Variants in SNTB2 observed in about 807,000 individuals in gnomAD.
The protein encoded by SNTB2 is syntrophin beta 2, also known as beta-2-syntrophin.
SNTB2 carries 34 observed loss-of-function variants against 46.2 expected under a neutral mutation model. The observed-to-expected ratio is 0.74, with a 90% CI of 0.56 to 0.98. The LOEUF is 0.98. Among genes scored for constraint, SNTB2 ranks in the 50% least tolerant of loss-of-function variants. The pLI is 0.00. For synonymous variants in SNTB2, 290 were observed against 312.6 expected (o/e 0.93, Z 0.76); for missense variants, 603 against 731.4 (o/e 0.82, Z 2.02).
At chr16:69,199,595 CAA>C (rs60011703) in intron 1 of SNTB2, among the ~76,000 whole-genome samples, 45 of 76,748 alleles carry the variant, frequency 5.9e-4, no homozygotes, top group Non-Finnish European at 5.0e-4. Context: ...AACACTGCCT[CAA>C]AAAAAAAAAA....
At chr16:69,264,693 A>G (rs1212411452) in intron 3 of SNTB2, among the ~76,000 whole-genome samples, 1 of 152,190 alleles carries the variant, frequency 6.6e-6, no homozygotes, top group Non-Finnish European at 1.5e-5. Context: ...GAACCTCCAA[A>G]GAAGAAAGAA....
intron 1 of SNTB2, among the ~76,000 whole-genome samples, chr16:69,220,812 A>G (rs74738583): frequency 0.026 from 3,992 of 152,274 alleles, 58 homozygotes; most frequent in African/African-American, 0.036. Flanking sequence ...GATTACAGGA[A>G]TAAACCACTG....
intron 2 of SNTB2, among the ~76,000 whole-genome samples, chr16:69,258,550 AAC>A (rs1307223504): frequency 6.6e-6 from 1 of 151,768 alleles, no homozygotes; most frequent in Non-Finnish European, 1.5e-5. Context: ...AAAGTACCCA[AAC>A]ACAGTTTCAA....
chr16:69,224,522 T>C (rs1964440291), intron 1 of SNTB2, among the ~76,000 whole-genome samples: 1 of 152,208 alleles, frequency 6.6e-6, no homozygotes, highest in South Asian at 2.1e-4. Context: ...AATTAATAAG[T>C]ATCTTGGAAA....
intron 1 of SNTB2, chr16:69,241,844 G>GT (rs1427179310): frequency 1.3e-5 from 2 of 149,544 alleles, no homozygotes; most frequent in Non-Finnish European, 3.0e-5. Flanking sequence ...TGGGAGGATG[G>GT]TTTGAGCCCA....
At position 69,187,511 on chromosome 16, in the gene SNTB2, G is replaced by A; in HGVS notation, c.345G>A (p.Arg115=). 7.6e-7 allele frequency: 1 copy of A among 1,319,188 alleles called. No homozygotes were observed. Among genetic ancestry groups the A allele is most frequent in the Non-Finnish European group, 9.8e-7 (1 of 1,023,722 alleles). The allele number at this position is 1,319,188 out of a possible 1,614,324, so 81.7% of individuals were successfully genotyped here. A position where few individuals can be genotyped will look rare whatever the true frequency, so the allele number is the denominator to read the frequency against. The change falls in exon 1 of 7, where the codon CGG becomes CGA. Residue 115 remains arginine (R), a synonymous_variant. Coordinates refer to ENST00000336278, the MANE Select transcript of SNTB2 (RefSeq NM_006750.4). ...GEAGASPPVR[R]VRVVKQEAGG... ...CGGGCGCGTCGCCGCCCGTGCGCCG[G>A]GTGCGGGTGGTGAAGCAAGAGGCGG...
At chr16:69,191,801 C>T (rs1420680419) in intron 1 of SNTB2, among the ~76,000 whole-genome samples, 10 of 151,720 alleles carry the variant, frequency 6.6e-5, no homozygotes, top group East Asian at 2.0e-4. Context: ...CCACCATGCC[C>T]GGCCAATTTT....
intron 1 of SNTB2, among the ~76,000 whole-genome samples, chr16:69,202,917 G>T (rs1964178256): frequency 6.6e-6 from 1 of 152,008 alleles, no homozygotes; most frequent in Non-Finnish European, 1.5e-5. Flanking sequence ...ACAGGGTTTT[G>T]CCATGTTTCC....
chr16:69,283,360 A>G (rs2143157494), intron 4 of SNTB2, among the ~76,000 whole-genome samples: 1 of 152,316 alleles, frequency 6.6e-6, no homozygotes, highest in East Asian at 1.9e-4. Flanking sequence ...TTTTTTTCAC[A>G]TAACATTTCT....
chr16:69,235,230 C>G (rs1168798372), intron 1 of SNTB2, among the ~76,000 whole-genome samples: 1 of 151,870 alleles, frequency 6.6e-6, no homozygotes, highest in African/African-American at 2.4e-5. Flanking sequence ...GCCACCGTTC[C>G]CGGACTTCAA....
intron 1 of SNTB2, among the ~76,000 whole-genome samples, chr16:69,203,973 A>G (rs1268368322): frequency 6.6e-6 from 1 of 151,614 alleles, no homozygotes; most frequent in Non-Finnish European, 1.5e-5. Flanking sequence ...GCTTACTGCA[A>G]CCTCCACCTC....
At chr16:69,229,285 T>G (rs929689997) in intron 1 of SNTB2, among the ~76,000 whole-genome samples, 3 of 152,066 alleles carry the variant, frequency 2.0e-5, no homozygotes, top group Non-Finnish European at 2.9e-5. Flanking sequence ...TCCTCCCACT[T>G]CAGCCTCCTG....
intron 5 of SNTB2, among the ~76,000 whole-genome samples, chr16:69,287,850 C>T (rs1965119515): frequency 6.6e-6 from 1 of 151,438 alleles, no homozygotes; most frequent in African/African-American, 2.4e-5. Flanking sequence ...CAGTGGGAAA[C>T]TCTGTCTCAA....
rs945495395 is a variant in SNTB2 at position 69,306,733 on chromosome 16, T to G, written c.*5809T>G. 4 of 152,186 alleles carry G rather than the reference T, an allele frequency of 2.6e-5. No homozygotes were observed. The highest frequency in any genetic ancestry group is 9.7e-5 in the African/African-American group (4 of 41,428). The allele number at this position is 152,186 out of a possible 1,614,324, so 9.4% of individuals were successfully genotyped here. On this transcript the variant is annotated 3_prime_UTR_variant, in exon 7 of 7. Coordinates refer to ENST00000336278, the MANE Select transcript of SNTB2 (RefSeq NM_006750.4). ...GGTGGATCACCTGAGGTAAGGAGTT[T>G]GAGACCAGCCTGGCCAACATGGTGA...
chr16:69,304,207 C>A lies in SNTB2; in HGVS notation c.*3283C>A, dbSNP rs1965298812. On this transcript the variant is annotated 3_prime_UTR_variant, in exon 7 of 7. Coordinates refer to ENST00000336278, the MANE Select transcript of SNTB2 (RefSeq NM_006750.4). ...CTGAAGTCATCAAATGAAACATTAT[C>A]TGGAAATTAGTTTCTAATGTTGTAT... 6.6e-6 allele frequency: 1 copy of A among 152,232 alleles called. No individual in the cohort carries two copies. The highest frequency in any genetic ancestry group is 2.1e-4 in the South Asian group (1 of 4,824). The allele number at this position is 152,232 out of a possible 1,614,324, so 9.4% of individuals were successfully genotyped here. A position where few individuals can be genotyped will look rare whatever the true frequency, so the allele number is the denominator to read the frequency against.
At position 69,285,323 on chromosome 16, in the gene SNTB2, A is replaced by G. The variant is rs889834191; in HGVS notation, c.1345+1079A>G. On this transcript the variant is annotated intron_variant, in intron 5 of 6. Coordinates refer to ENST00000336278, the MANE Select transcript of SNTB2 (RefSeq NM_006750.4). ...ACTCGAAGTACATTTATAATACCGT[A>G]TGTACAACATGACATTTTTATAGTT... 4.8e-4 allele frequency among the ~76,000 whole-genome samples: 72 copies of G among 148,836 alleles called. No individual in the cohort carries two copies. In the Admixed American group the frequency reaches 4.8e-3, roughly 10 times the overall value.
At position 69,262,154 on chromosome 16, in the gene SNTB2, A is replaced by G. The variant is rs538449588; in HGVS notation, c.1005+1894A>G. 3.3e-5 allele frequency among the ~76,000 whole-genome samples: 5 copies of G among 152,326 alleles called. No homozygotes were observed. The South Asian group carries it at 6.2e-4, about 19-fold the overall frequency. On this transcript the variant is annotated intron_variant, in intron 3 of 6. Coordinates refer to ENST00000336278, the MANE Select transcript of SNTB2 (RefSeq NM_006750.4). Reference sequence around the variant, plus strand: ...TGGCTCGTATGTCCAGGTAGACCAGATAAGGATATCAACATTATCTGCATA... The same window carrying G: ...TGGCTCGTATGTCCAGGTAGACCAGGTAAGGATATCAACATTATCTGCATA...
chr16:69,218,394 T>C (rs1964369245), intron 1 of SNTB2, among the ~76,000 whole-genome samples: 1 of 152,140 alleles, frequency 6.6e-6, no homozygotes, highest in South Asian at 2.1e-4. Context: ...TTCAAAGCAT[T>C]GATGGTTCCA....
intron 4 of SNTB2, among the ~76,000 whole-genome samples, chr16:69,283,847 T>C (rs1228929075): frequency 6.6e-6 from 1 of 152,084 alleles, no homozygotes; most frequent in Non-Finnish European, 1.5e-5. Context: ...ACTGGTATCT[T>C]GTCTGACTGT....
Sources: gnomAD v4.1 joint callset for allele counts (sites outside exome capture counted in the v4.1 genomes callset) on GRCh38, gnomAD v4.1.1 for gene constraint, MANE v1.5 for transcripts, NCBI Gene and HGNC (gene_info 2026-07-23, HGNC 2026-07-21) for gene names.